Variants in MAGI1 observed in about 807,000 individuals in gnomAD.
MAGI1 encodes the protein membrane-associated guanylate kinase, WW and PDZ domain-containing protein 1.
In MAGI1, 58 loss-of-function variants were observed where a neutral mutation model predicts 139.9. The observed-to-expected ratio is 0.41, with a 90% CI of 0.34 to 0.52. The LOEUF (loss-of-function observed/expected upper bound fraction) is 0.52. Ranked by LOEUF, MAGI1 falls within the 20% of genes least tolerant of loss-of-function variation. The probability of loss-of-function intolerance (pLI) is 0.12; values close to 1 mark genes in which losing one functional copy is unlikely to be tolerated. For synonymous variants in MAGI1, 812 were observed against 737.9 expected, an observed-to-expected ratio of 1.10 and a Z score of -1.63; for missense variants, 1,874 against 1,901.6, an observed-to-expected ratio of 0.99 and a Z score of 0.27.
intron 1 of MAGI1, among the ~76,000 whole-genome samples, chr3:65,796,104 C>T (rs1040664336): frequency 6.6e-6 from 1 of 150,386 alleles, no homozygotes; most frequent in Admixed American, 6.6e-5. Flanking sequence ...CTTCACAGGA[C>T]TGCGGAGGAT....
At chr3:65,805,700 G>A (rs264082) in intron 1 of MAGI1, among the ~76,000 whole-genome samples, 79,177 of 152,018 alleles carry the variant, frequency 0.52, 21,200 homozygotes, top group East Asian at 0.88. Flanking sequence ...ATGCCCATCA[G>A]CAATAGGCTG....
Position 65,589,579 on chromosome 3 carries a change from C to G in MAGI1, c.430+32393G>C, listed in dbSNP as rs142175874. Reference sequence around the variant, plus strand: ...TGACCCCCCCTGCATTAACTTCATTCCCTAAATCAAGGGTTGGGAAATTTT... The same window carrying G: ...TGACCCCCCCTGCATTAACTTCATTGCCTAAATCAAGGGTTGGGAAATTTT... On this transcript the variant is annotated intron_variant, in intron 2 of 22. Transcript: ENST00000402939. Among the ~76,000 whole-genome samples the G allele has an allele frequency of 5.3e-4, 80 of 152,204 alleles. No individual in the cohort carries two copies. In the Middle Eastern group the frequency reaches 0.01, roughly 19 times the overall value.
intron 2 of MAGI1, among the ~76,000 whole-genome samples, chr3:65,595,149 T>C (rs1038660471): frequency 6.6e-6 from 1 of 152,152 alleles, no homozygotes; most frequent in African/African-American, 2.4e-5. Flanking sequence ...CCCCCATCCA[T>C]ATGCCAAGAA....
At chr3:65,937,401 C>T (rs539558878) in intron 1 of MAGI1, among the ~76,000 whole-genome samples, 3 of 152,248 alleles carry the variant, frequency 2.0e-5, no homozygotes, top group African/African-American at 7.2e-5. Context: ...CTCTCCTTCC[C>T]CAGCTGGCTC....
At chr3:65,977,856 C>A (rs1203530860) in intron 1 of MAGI1, among the ~76,000 whole-genome samples, 1 of 152,156 alleles carries the variant, frequency 6.6e-6, no homozygotes, top group African/African-American at 2.4e-5. Flanking sequence ...TTTGCCGCCT[C>A]GGTGAATTGT....
intron 4 of MAGI1, among the ~76,000 whole-genome samples, chr3:65,475,336 C>A (rs565102682): frequency 6.6e-6 from 1 of 152,026 alleles, no homozygotes; most frequent in Non-Finnish European, 1.5e-5. Context: ...GCCTTGGCCT[C>A]CTGAGTAGCT....
chr3:65,583,217 G>A (rs2081520637), intron 2 of MAGI1, among the ~76,000 whole-genome samples: 1 of 152,180 alleles, frequency 6.6e-6, no homozygotes, highest in Non-Finnish European at 1.5e-5. Context: ...GAGTCCAGAT[G>A]TCAAGCACCT....
intron 1 of MAGI1, among the ~76,000 whole-genome samples, chr3:65,882,336 G>A (rs1418337415): frequency 6.6e-6 from 1 of 152,162 alleles, no homozygotes; most frequent in Non-Finnish European, 1.5e-5. Context: ...GCCTTAGGAA[G>A]GTAGGAAATC....
At chr3:65,444,861 G>A (rs530188817) in intron 7 of MAGI1, among the ~76,000 whole-genome samples, 1 of 152,244 alleles carries the variant, frequency 6.6e-6, no homozygotes, top group Admixed American at 6.5e-5. Context: ...TCCAGAAATT[G>A]AAAAGATAGT....
At chr3:65,485,296 G>A (rs2107638338) in intron 3 of MAGI1, among the ~76,000 whole-genome samples, 1 of 152,170 alleles carries the variant, frequency 6.6e-6, no homozygotes, top group South Asian at 2.1e-4. Context: ...AAAATAGGAT[G>A]TTCATGCACA....
At chr3:65,486,289 T>A (rs1951631474) in intron 3 of MAGI1, among the ~76,000 whole-genome samples, 1 of 152,208 alleles carries the variant, frequency 6.6e-6, no homozygotes, top group Admixed American at 6.5e-5. Flanking sequence ...ACTGCACTTC[T>A]ATGCTGAAGG....
chr3:65,854,728 G>C (rs1559945941), intron 1 of MAGI1, among the ~76,000 whole-genome samples: 1 of 152,250 alleles, frequency 6.6e-6, no homozygotes, highest in Non-Finnish European at 1.5e-5. Context: ...ACCTAAATGA[G>C]CTGCTGTGGC....
At position 65,369,795 on chromosome 3, in the gene MAGI1, T is replaced by C. The variant is rs145968409; in HGVS notation, c.3197-4849A>G. 5.4e-4 allele frequency among the ~76,000 whole-genome samples: 82 copies of C among 152,216 alleles called. No homozygotes were observed. The East Asian group carries it at 0.013, about 24-fold the overall frequency. On this transcript the variant is annotated intron_variant, in intron 18 of 22. Transcript: ENST00000402939. Reference sequence around the variant, plus strand: ...ACGTGCTGGGATTACAGGCATGAGCTACCATGCCCGGCCCCAGACGTGATG... The same window carrying C: ...ACGTGCTGGGATTACAGGCATGAGCCACCATGCCCGGCCCCAGACGTGATG...
chr3:65,923,032 G>A (rs1198711609), intron 1 of MAGI1, among the ~76,000 whole-genome samples: 1 of 152,014 alleles, frequency 6.6e-6, no homozygotes, highest in Non-Finnish European at 1.5e-5. Flanking sequence ...CTTCCCTTAG[G>A]GCTTAGAAGT....
At chr3:65,883,862 G>A (rs868834899) in intron 1 of MAGI1, among the ~76,000 whole-genome samples, 1 of 152,006 alleles carries the variant, frequency 6.6e-6, no homozygotes, top group African/African-American at 2.4e-5. Context: ...TCACTCCCCC[G>A]AATAAACTAC....
At chr3:65,636,999 G>A (rs1229339385) in intron 1 of MAGI1, among the ~76,000 whole-genome samples, 1 of 152,208 alleles carries the variant, frequency 6.6e-6, no homozygotes, top group Non-Finnish European at 1.5e-5. Context: ...GAGTGCCACT[G>A]CCATCTTGGG....
At chr3:65,491,227 T>G (rs1447569779) in intron 3 of MAGI1, among the ~76,000 whole-genome samples, 2 of 152,190 alleles carry the variant, frequency 1.3e-5, no homozygotes, top group African/African-American at 2.4e-5. Context: ...ATTCTAGAAC[T>G]GGCTGTGCAA....
At chr3:65,894,316 G>A (rs539328582) in intron 1 of MAGI1, among the ~76,000 whole-genome samples, 1 of 152,204 alleles carries the variant, frequency 6.6e-6, no homozygotes, top group African/African-American at 2.4e-5. Context: ...GCCAACACAG[G>A]CCCTTGTGAC....
chr3:65,916,693 C>T (rs2061923612), intron 1 of MAGI1, among the ~76,000 whole-genome samples: 1 of 152,076 alleles, frequency 6.6e-6, no homozygotes, highest in African/African-American at 2.4e-5. Context: ...CCACAATCGC[C>T]TCCCACAGTG....
Sources: allele counts gnomAD v4.1 joint callset (sites outside exome capture counted in the v4.1 genomes callset), GRCh38; gene constraint gnomAD v4.1.1; transcripts MANE v1.5; gene names NCBI Gene and HGNC (gene_info 2026-07-23, HGNC 2026-07-21).